PLXNC1: variants seen among roughly 807,000 people sequenced by gnomAD.
PLXNC1 encodes the protein plexin-C1.
PLXNC1 carries 75 observed loss-of-function variants against 178.2 expected under a neutral mutation model. The observed-to-expected ratio is 0.42, with a 90% confidence interval of 0.35 to 0.51. The LOEUF (loss-of-function observed/expected upper bound fraction) is 0.51. Among genes scored for constraint, PLXNC1 ranks in the 20% least tolerant of loss-of-function variants. PLXNC1 has a pLI of 0.02. For synonymous variants in PLXNC1, 790 were observed against 779.9 expected (o/e 1.01, Z -0.22); for missense variants, 1,503 against 1,984.4 (o/e 0.76, Z 4.61).
intron 27 of PLXNC1, among the ~76,000 whole-genome samples, chr12:94,300,104 C>T (rs1000129783): frequency 9.2e-5 from 14 of 152,160 alleles, no homozygotes; most frequent in Non-Finnish European, 1.5e-4. Flanking sequence ...TACTATGGGC[C>T]AAGCAGTTAG....
intron 1 of PLXNC1, among the ~76,000 whole-genome samples, chr12:94,155,745 G>A (rs530857243): frequency 6.6e-6 from 1 of 152,156 alleles, no homozygotes; most frequent in East Asian, 1.9e-4. Context: ...AGATGTGGGG[G>A]GATGTCTAGA....
intron 21 of PLXNC1, 89 bp downstream of exon 21, chr12:94,265,314 TATC>T: frequency 2.5e-6 from 3 of 1,215,310 alleles, no homozygotes; most frequent in Non-Finnish European, 3.5e-6. Flanking sequence ...AATGAAACGG[TATC>T]ATCTCTACTG....
intron 23 of PLXNC1, among the ~76,000 whole-genome samples, chr12:94,284,627 T>C (rs1303394780): frequency 2.0e-5 from 3 of 152,006 alleles, no homozygotes; most frequent in Non-Finnish European, 4.4e-5. Flanking sequence ...CCCCACTTTA[T>C]AGATGGGTAC....
intron 4 of PLXNC1, among the ~76,000 whole-genome samples, chr12:94,207,916 T>C (rs1963347635): frequency 6.6e-6 from 1 of 152,196 alleles, no homozygotes; most frequent in African/African-American, 2.4e-5. Context: ...CTCTTCGGAA[T>C]TGGCTTATTT....
At chr12:94,199,976 G>A (rs1760592615) in intron 4 of PLXNC1, among the ~76,000 whole-genome samples, 1 of 152,158 alleles carries the variant, frequency 6.6e-6, no homozygotes, top group Non-Finnish European at 1.5e-5. Context: ...TGTATTTTTA[G>A]TAGAGATGGG....
At chr12:94,212,249 G>A in intron 5 of PLXNC1, among the ~76,000 whole-genome samples, 1 of 134,624 alleles carries the variant, frequency 7.4e-6, no homozygotes, top group Non-Finnish European at 1.5e-5. Flanking sequence ...TCTCCAGCCT[G>A]GGCGACAGAG....
At chr12:94,171,462 C>G (rs1961842168) in intron 2 of PLXNC1, among the ~76,000 whole-genome samples, 1 of 152,138 alleles carries the variant, frequency 6.6e-6, no homozygotes, top group Non-Finnish European at 1.5e-5. Context: ...ATGGGGCAGG[C>G]CTACTATTCC....
chr12:94,233,793 C>T (rs1353758603), intron 9 of PLXNC1, among the ~76,000 whole-genome samples: 1 of 152,136 alleles, frequency 6.6e-6, no homozygotes, highest in East Asian at 1.9e-4. Context: ...TTCCATATCT[C>T]ACCTCCTTTT....
intron 2 of PLXNC1, among the ~76,000 whole-genome samples, chr12:94,177,209 ATATGTG>A (rs1241731342): frequency 1.9e-5 from 1 of 53,054 alleles, no homozygotes. Flanking sequence ...ACGTATATAT[ATATGTG>A]TGTGTATATA....
At chr12:94,291,808 C>A (rs1275669208) in intron 23 of PLXNC1, among the ~76,000 whole-genome samples, 2 of 152,132 alleles carry the variant, frequency 1.3e-5, no homozygotes, top group Non-Finnish European at 2.9e-5. Flanking sequence ...AGGTTTGCTA[C>A]AAGGGTATAC....
At position 94,237,838 on chromosome 12, in the gene PLXNC1, C is replaced by T. The variant is rs114462147; in HGVS notation, c.2120+35C>T. 1,847 of 1,603,352 alleles carry T rather than the reference C, an allele frequency of 1.2e-3. 28 individuals are homozygous for T. The African/African-American group carries it at 0.021, about 18-fold the overall frequency. Reference sequence around the variant, plus strand: ...AATACTAATAATTTATCCTCGGTAACGTAACGCTCAAACCTGTGCCAAAGG... The same window carrying T: ...AATACTAATAATTTATCCTCGGTAATGTAACGCTCAAACCTGTGCCAAAGG... On this transcript the variant is annotated intron_variant, in intron 10 of 30. Transcript: ENST00000258526.
intron 1 of PLXNC1, among the ~76,000 whole-genome samples, chr12:94,168,578 GATCCTACCC>G (rs1961717236): frequency 6.6e-6 from 1 of 152,084 alleles, no homozygotes. Flanking sequence ...TCTGTGGCTC[GATCCTACCC>G]ATCGTCCACA....
Position 94,263,302 on chromosome 12 carries a change from C to A in PLXNC1, c.3451-1777C>A, listed in dbSNP as rs147656491. Among the ~76,000 whole-genome samples, 298 of 152,164 alleles carry A rather than the reference C, an allele frequency of 2.0e-3. 1 individual carries two copies. Among genetic ancestry groups the A allele is most frequent in the African/African-American group, 6.8e-3 (282 of 41,518 alleles). ...CTGTAGGTCTAGAGTGGAGCTCAGG[C>A]ATCTGAATGCTTAACAAGAGCCCGC... is the stretch of plus-strand genomic sequence containing the variant. On this transcript the variant is annotated intron_variant, in intron 20 of 30. Transcript: ENST00000258526.
At chr12:94,259,913 AAG>A (rs1207566319) in intron 19 of PLXNC1, among the ~76,000 whole-genome samples, 179 bp downstream of exon 19, 1 of 151,904 alleles carries the variant, frequency 6.6e-6, no homozygotes, top group African/African-American at 2.4e-5. Flanking sequence ...AAAAAAAAAA[AAG>A]AGAGAGAAAT....
At chr12:94,253,680 C>CT (rs60523235) in intron 15 of PLXNC1, among the ~76,000 whole-genome samples, 3,015 of 148,350 alleles carry the variant, frequency 0.02, 26 homozygotes, top group Admixed American at 0.028. Context: ...TATGTAATTT[C>CT]TTTTTTTTTT....
intron 5 of PLXNC1, among the ~76,000 whole-genome samples, chr12:94,214,958 G>A (rs747714926): frequency 3.2e-4 from 48 of 151,884 alleles, no homozygotes; most frequent in Admixed American, 5.2e-4. Flanking sequence ...GTGCTGTGGC[G>A]CGATCATGGT....
intron 9 of PLXNC1, among the ~76,000 whole-genome samples, chr12:94,232,516 T>C (rs377611795): frequency 1.3e-5 from 2 of 152,242 alleles, no homozygotes; most frequent in East Asian, 1.9e-4. Context: ...TCTATGGGCC[T>C]AGCATAGAGC....
At chr12:94,250,330 A>G (rs372386448) in intron 14 of PLXNC1, among the ~76,000 whole-genome samples, 4 of 152,320 alleles carry the variant, frequency 2.6e-5, no homozygotes, top group African/African-American at 7.2e-5. Flanking sequence ...AGATGACGTC[A>G]TGAATTTAGT....
intron 5 of PLXNC1, among the ~76,000 whole-genome samples, chr12:94,218,062 A>G (rs1053517470): frequency 1.3e-5 from 2 of 152,226 alleles, no homozygotes; most frequent in African/African-American, 4.8e-5. Flanking sequence ...TTGAGTGTGA[A>G]TTCAATTTAA....
Sources: allele counts gnomAD v4.1 joint callset (sites outside exome capture counted in the v4.1 genomes callset), GRCh38; gene constraint gnomAD v4.1.1; transcripts MANE v1.5; gene names NCBI Gene and HGNC (gene_info 2026-07-23, HGNC 2026-07-21).